Variants in STAT5A observed in about 807,000 individuals in gnomAD.
The protein encoded by STAT5A is signal transducer and activator of transcription 5A, also known as epididymis secretory sperm binding protein.
Under a neutral mutation model 100.2 loss-of-function variants are expected in STAT5A, and 26 were observed. The observed-to-expected ratio is 0.26, with a 90% CI of 0.19 to 0.36. STAT5A has a LOEUF of 0.36. Among genes scored for constraint, STAT5A ranks in the 10% least tolerant of loss-of-function variants. STAT5A has a pLI of 1.00. For missense variants in STAT5A, 634 were observed against 1,027.5 expected, an observed-to-expected ratio of 0.62 and a Z score of 5.24; for synonymous variants, 330 against 424.3, an observed-to-expected ratio of 0.78 and a Z score of 2.73.
chr17:42,289,360 G>T, intron 1 of STAT5A, 42 bp from the exon 2 acceptor site: 1 of 1,537,452 alleles, frequency 6.5e-7, no homozygotes. Flanking sequence ...CGGTTCCTTG[G>T]CCTCTGCAGA....
rs533518487 is a variant in STAT5A at position 42,304,200 on chromosome 17, C to T, written c.1170-142C>T. The T allele has an allele frequency of 5.7e-5, 42 of 739,760 alleles. No individual in the cohort carries two copies. Among genetic ancestry groups the T allele is most frequent in the Admixed American group, 4.9e-4 (18 of 36,602 alleles). The allele number at this position is 739,760 out of a possible 1,614,324, so 45.8% of individuals were successfully genotyped here. A position where few individuals can be genotyped will look rare whatever the true frequency, so the allele number is the denominator to read the frequency against. Reference sequence around the variant, plus strand: ...TGGAGAAGTCAGTAACCCAGAAAGACGCCAAGAAACACTCTTAGGGGATAC... The same window carrying T: ...TGGAGAAGTCAGTAACCCAGAAAGATGCCAAGAAACACTCTTAGGGGATAC... On this transcript the variant is annotated intron_variant, in intron 9 of 18. Coordinates refer to ENST00000590949, the MANE Select transcript of STAT5A (RefSeq NM_001288718.2). The surrounding 1 kb of genome is among the most constrained non-coding windows in gnomAD (Gnocchi z 4.8).
Position 42,308,077 on chromosome 17 carries a change from T to C in STAT5A, c.1907-101T>C, listed in dbSNP as rs1037422458. 2 of 1,507,140 alleles carry C rather than the reference T, an allele frequency of 1.3e-6. No individual in the cohort carries two copies. Among genetic ancestry groups the C allele is most frequent in the Admixed American group, 1.9e-5 (1 of 52,084 alleles). 93.4% of individuals were successfully genotyped at this position (1,507,140 alleles called of 1,614,324 possible). On this transcript the variant is annotated intron_variant, in intron 15 of 18. Coordinates refer to ENST00000590949, the MANE Select transcript of STAT5A (RefSeq NM_001288718.2). This position sits in a 1 kb window ranked among gnomAD's most constrained non-coding sequence, Gnocchi z 4.6. Reference sequence around the variant, plus strand: ...GCTGGGGCTGCAGCGCAAGCTACTATATAAAAGCCCAGATTTCTCTTGCAA... The same window carrying C: ...GCTGGGGCTGCAGCGCAAGCTACTACATAAAAGCCCAGATTTCTCTTGCAA...
At position 42,307,454 on chromosome 17, in the gene STAT5A, T is replaced by C. The variant is rs149159731; in HGVS notation, c.1733T>C (p.Met578Thr). 1.1e-5 allele frequency: 18 copies of C among 1,613,864 alleles called. No individual in the cohort carries two copies. In the African/African-American group the frequency reaches 1.2e-4, roughly 11 times the overall value. Residue 578 changes from methionine (M) to threonine (T), a missense_variant, in exon 14 of 19, where the codon ATG (methionine) becomes ACG (threonine). By Grantham distance (81) the Met-to-Thr change is moderately conservative. Coordinates refer to ENST00000590949, the MANE Select transcript of STAT5A (RefSeq NM_001288718.2). ...YTFWQWFDGV[M>T]EVLKKHHKPH... ...TTCTGGCAGTGGTTTGACGGGGTGA[T>C]GGAGGTGTTGAAGAAGCACCACAAG... is the stretch of plus-strand genomic sequence containing the variant.
At chr17:42,290,151 T>C in intron 3 of STAT5A, 129 bp downstream of exon 3, 2 of 1,275,714 alleles carry the variant, frequency 1.6e-6, no homozygotes, top group Non-Finnish European at 2.1e-6. Flanking sequence ...GAACTTTTCT[T>C]CGATTTCCCC....
In STAT5A at chr17:42,294,434, G is replaced by C. The variant is rs2080899862; in HGVS notation, c.376-1185G>C. ...GTTCCTGAACACCCCTGGCATTCTA[G>C]GGCTTGGGGATTCTGTAGTTCACAG... On this transcript the variant is annotated intron_variant, in intron 4 of 18. Coordinates refer to ENST00000590949, the MANE Select transcript of STAT5A (RefSeq NM_001288718.2). Among the ~76,000 whole-genome samples the C allele has an allele frequency of 2.6e-5, 4 of 152,182 alleles. No homozygotes were observed. The East Asian group carries it at 5.8e-4, about 22-fold the overall frequency.
chr17:42,303,350 A>G lies in STAT5A; in HGVS notation c.1170-992A>G, dbSNP rs184963897. Among the ~76,000 whole-genome samples, 121 of 152,290 alleles carry G rather than the reference A, an allele frequency of 7.9e-4. 1 individual carries two copies. The highest frequency in any genetic ancestry group is 6.7e-3 in the Admixed American group (103 of 15,296). ...GCTTGCATTGCAGCTGGGGAGACTGATGATAATACACTTTAAAAGATCAGG... is the reference window on the plus strand; with the variant it reads ...GCTTGCATTGCAGCTGGGGAGACTGGTGATAATACACTTTAAAAGATCAGG... On this transcript the variant is annotated intron_variant, in intron 9 of 18. Coordinates refer to ENST00000590949, the MANE Select transcript of STAT5A (RefSeq NM_001288718.2).
intron 9 of STAT5A, among the ~76,000 whole-genome samples, chr17:42,301,767 G>A (rs1003666287): frequency 6.6e-6 from 1 of 152,198 alleles, no homozygotes; most frequent in African/African-American, 2.4e-5. Flanking sequence ...AAAGTGTATT[G>A]CTTCACACCA....
intron 5 of STAT5A, among the ~76,000 whole-genome samples, chr17:42,296,687 G>A (rs140296343): frequency 2.0e-5 from 3 of 152,028 alleles, no homozygotes; most frequent in Non-Finnish European, 4.4e-5. Context: ...GCCCAGGCTG[G>A]AGCACAGTGG....
intron 17 of STAT5A, 129 bp downstream of exon 17, chr17:42,309,227 T>A: frequency 6.4e-7 from 1 of 1,555,940 alleles, no homozygotes; most frequent in Non-Finnish European, 8.8e-7. Flanking sequence ...GGGGAGGGAG[T>A]CCCCTCTCCT....
Position 42,308,221 on chromosome 17 carries a change from T to C in STAT5A, c.1950T>C (p.Asp650=). The C allele has an allele frequency of 3.7e-6, 6 of 1,614,208 alleles. No individual in the cohort carries two copies. Among genetic ancestry groups the C allele is most frequent in the Non-Finnish European group, 5.1e-6 (6 of 1,180,030 alleles). Residue 650 remains aspartate, a synonymous_variant, in exon 16 of 19, where the codon GAT becomes GAC. Transcript: ENST00000590949. The surrounding 1 kb of genome is among the most constrained non-coding windows in gnomAD (Gnocchi z 4.6). ...ACCTGAAACCATTCACCACGCGGGA[T>C]TTCTCCATCAGGTCCCTGGCTGACC... The part of the protein sequence containing the change: ...LWNLKPFTTR[D]FSIRSLADRL...
Position 42,304,310 on chromosome 17 carries a change from A to C in STAT5A, c.1170-32A>C. The C allele has an allele frequency of 6.2e-7, 1 of 1,609,212 alleles. No homozygotes were observed. The highest frequency in any genetic ancestry group is 8.5e-7 in the Non-Finnish European group (1 of 1,176,096). ...GGACCATGCTCCTGGCCTGGGGCCC[A>C]TGTGGAGCTGGGACCCCCCTCTCCT... is the stretch of plus-strand genomic sequence containing the variant. On this transcript the variant is annotated intron_variant, in intron 9 of 18. Transcript: ENST00000590949. This position sits in a 1 kb window ranked among gnomAD's most constrained non-coding sequence, Gnocchi z 4.8.
At chr17:42,309,265 G>C in intron 17 of STAT5A, 112 bp from the exon 18 acceptor site, 2 of 1,531,104 alleles carry the variant, frequency 1.3e-6, no homozygotes, top group South Asian at 2.3e-5. Flanking sequence ...GCCGAGTGGG[G>C]CACTTTGTCC....
rs1344427649 is a variant in STAT5A, at chr17:42,307,651, G to T, written c.1834G>T (p.Asp612Tyr). ...QAHDLLINKP[D>Y]GTFLLRFSDS... The stretch of plus-strand genomic sequence containing the variant: ...CCACGACCTGCTCATCAACAAGCCC[G>T]ACGGGACCTTCTTGTTGCGCTTTAG... The change falls in exon 15 of 19, where the codon GAC (aspartate) becomes TAC (tyrosine). Residue 612 changes from aspartate to tyrosine, a missense_variant. Coordinates refer to ENST00000590949, the MANE Select transcript of STAT5A (RefSeq NM_001288718.2). 6.2e-7 allele frequency: 1 copy of T among 1,614,086 alleles called. No homozygotes were observed. The highest frequency in any genetic ancestry group is 2.2e-5 in the East Asian group (1 of 44,874).
chr17:42,300,084 T>G lies in STAT5A; in HGVS notation c.682-46T>G, dbSNP rs2080961501. 3 of 1,208,010 alleles carry G rather than the reference T, an allele frequency of 2.5e-6. No individual in the cohort carries two copies. In the Admixed American group the frequency reaches 7.2e-5, roughly 29 times the overall value. 74.8% of individuals were successfully genotyped at this position (1,208,010 alleles called of 1,614,324 possible). ...GCCATTTCCCAGCGAGGCCCTGCGG[T>G]GTTCTCTGGGAGCCCAGAAGGGGCT... On this transcript the variant is annotated intron_variant, in intron 6 of 18. Transcript: ENST00000590949.
rs1285198139 is a variant in STAT5A, at chr17:42,295,605, C to G, written c.376-14C>G. The G allele has an allele frequency of 6.2e-7, 1 of 1,609,986 alleles. No homozygotes were observed. The highest frequency in any genetic ancestry group is 2.2e-5 in the East Asian group (1 of 44,814). On this transcript the variant is annotated splice_polypyrimidine_tract_variant and intron_variant, in intron 4 of 18. Coordinates refer to ENST00000590949, the MANE Select transcript of STAT5A (RefSeq NM_001288718.2). ...CTCTCTTCCCCGAGTTATTTCCATT[C>G]CATCTGTCTCCAGTGCAGCTCTCCG...
chr17:42,303,863 G>A (rs1389655953), intron 9 of STAT5A, among the ~76,000 whole-genome samples: 1 of 152,122 alleles, frequency 6.6e-6, no homozygotes, highest in Non-Finnish European at 1.5e-5. Context: ...GGAGGAGAAG[G>A]CTAAGAGTGT....
chr17:42,305,078 T>TA (rs2081015322), intron 11 of STAT5A, among the ~76,000 whole-genome samples: 1 of 152,176 alleles, frequency 6.6e-6, no homozygotes, highest in East Asian at 1.9e-4. Context: ...CCTGCACCTG[T>TA]AGTCCCAGCT....
At chr17:42,297,939 T>C (rs1303001826) in intron 5 of STAT5A, among the ~76,000 whole-genome samples, 10 of 150,444 alleles carry the variant, frequency 6.6e-5, no homozygotes, top group Admixed American at 5.3e-4. Flanking sequence ...GACATGCTGG[T>C]GCGCGCATCT....
chr17:42,296,656 T>C (rs1410319368), intron 5 of STAT5A, among the ~76,000 whole-genome samples: 1 of 152,210 alleles, frequency 6.6e-6, no homozygotes, highest in Non-Finnish European at 1.5e-5. Flanking sequence ...TTTCTTTTTT[T>C]TGAGACAATC....
Sources: allele counts gnomAD v4.1 joint callset (sites outside exome capture counted in the v4.1 genomes callset), GRCh38; gene constraint gnomAD v4.1.1; non-coding constraint Gnocchi (gnomAD v3.1); transcripts MANE v1.5; gene names NCBI Gene and HGNC (gene_info 2026-07-23, HGNC 2026-07-21).